The following FABP6 variants were observed in gnomAD, a reference collection of about 807,000 sequenced individuals.
FABP6 encodes fatty acid binding protein 6.
Under a neutral mutation model 14.9 loss-of-function variants are expected in FABP6, and 13 were observed. That is an observed-to-expected ratio of 0.87 (90% CI 0.57 to 1.39). FABP6 has a LOEUF of 1.39. Ranked by LOEUF, FABP6 falls within the 40% of genes most tolerant of loss-of-function variation. The probability of loss-of-function intolerance (pLI) is 0.00; values close to 1 mark genes in which losing one functional copy is unlikely to be tolerated. For synonymous variants in FABP6, 75 were observed against 63.6 expected, an observed-to-expected ratio of 1.18 and a Z score of -0.85; for missense variants, 161 against 167.2, an observed-to-expected ratio of 0.96 and a Z score of 0.20.
chr5:160,236,647 T>C (rs1760522903), intron 3 of FABP6, among the ~76,000 whole-genome samples: 1 of 152,084 alleles, frequency 6.6e-6, no homozygotes, highest in Non-Finnish European at 1.5e-5. Flanking sequence ...CCACGGGTCT[T>C]TTTATCCCCC....
chr5:160,214,325 G>T (rs920584533), intron 3 of FABP6, among the ~76,000 whole-genome samples: 6 of 151,030 alleles, frequency 4.0e-5, no homozygotes, highest in African/African-American at 1.5e-4. Context: ...CACCATGCCT[G>T]GTTAATTTTT....
At chr5:160,221,933 T>C (rs1176267427) in intron 3 of FABP6, among the ~76,000 whole-genome samples, 2 of 152,210 alleles carry the variant, frequency 1.3e-5, no homozygotes, top group Non-Finnish European at 2.9e-5. Flanking sequence ...GAAAATGAGA[T>C]GTAGTGGGAT....
chr5:160,200,666 G>A (rs1456812476), intron 2 of FABP6, among the ~76,000 whole-genome samples: 6 of 152,108 alleles, frequency 3.9e-5, no homozygotes, highest in Non-Finnish European at 5.9e-5. Flanking sequence ...CACCCGCCTT[G>A]GCCTCCCAAA....
chr5:160,206,743 A>C (rs535586074), intron 2 of FABP6, among the ~76,000 whole-genome samples: 23 of 152,316 alleles, frequency 1.5e-4, no homozygotes, highest in African/African-American at 5.3e-4. Flanking sequence ...ATGAGCACCC[A>C]GGACTGAAGA....
intron 1 of FABP6, among the ~76,000 whole-genome samples, chr5:160,188,689 G>A (rs930758759): frequency 3.9e-5 from 6 of 152,228 alleles, no homozygotes; most frequent in Non-Finnish European, 7.3e-5. Flanking sequence ...GCCGGGACCG[G>A]GCTGTTAGCC....
chr5:160,232,251 C>T lies in FABP6; in HGVS notation c.221C>T (p.Thr74Ile), dbSNP rs1399719899. The T allele has an allele frequency of 6.8e-6, 11 of 1,610,064 alleles. No homozygotes were observed. Among genetic ancestry groups the T allele is most frequent in the Non-Finnish European group, 2.5e-6 (3 of 1,178,198 alleles). Residue 74 changes from threonine (T) to isoleucine (I), a missense_variant, in exon 2 of 4, where the codon ACA becomes ATA. Thr to Ile is a moderately conservative substitution (Grantham distance 89). Transcript: ENST00000402432. ...FTVGKESNIQTMGGKTFKATV... is the reference protein window; with the variant it reads ...FTVGKESNIQIMGGKTFKATV... ...GTTGGCAAGGAAAGCAACATACAGACAATGGGGGGCAAGACGTTCAAGGTG... is the reference window on the plus strand; with the variant it reads ...GTTGGCAAGGAAAGCAACATACAGATAATGGGGGGCAAGACGTTCAAGGTG...
In FABP6 at chr5:160,232,177, T is replaced by G. The variant is rs780780718; in HGVS notation, c.147T>G (p.Thr49=). The G allele has an allele frequency of 4.1e-5, 66 of 1,613,734 alleles. No individual in the cohort carries two copies. In the South Asian group the frequency reaches 6.2e-4, roughly 15 times the overall value. The change falls in exon 2 of 4, where the codon ACT becomes ACG. Residue 49 remains threonine (T), a synonymous_variant. Coordinates refer to ENST00000402432, the MANE Select transcript of FABP6 (RefSeq NM_001445.3). Reference sequence around the variant, plus strand: ...TGCAGCAGGATGGGCAGGACTTCACTTGGTCCCAGCACTACTCCGGGGGCC... The same window carrying G: ...TGCAGCAGGATGGGCAGGACTTCACGTGGTCCCAGCACTACTCCGGGGGCC... ...TEVQQDGQDF[T]WSQHYSGGHT...
upstream of FABP6, among the ~76,000 whole-genome samples, chr5:160,227,162 G>A (rs1760266218): frequency 6.6e-6 from 1 of 152,176 alleles, no homozygotes; most frequent in Non-Finnish European, 1.5e-5. Context: ...ATATAGACAT[G>A]TGCCCATATC....
intron 3 of FABP6, among the ~76,000 whole-genome samples, chr5:160,237,072 G>A (rs1166141656): frequency 6.6e-6 from 1 of 152,098 alleles, no homozygotes. Context: ...TCTTCTCCTG[G>A]GTGAAAACTG....
chr5:160,194,627 A>G (rs1013129298), intron 1 of FABP6, among the ~76,000 whole-genome samples: 2 of 152,090 alleles, frequency 1.3e-5, no homozygotes, highest in African/African-American at 4.8e-5. Context: ...CACCAGGGAC[A>G]CCCTCTGCGT....
At chr5:160,195,110 C>A (rs1310189796) in intron 1 of FABP6, among the ~76,000 whole-genome samples, 1 of 151,912 alleles carries the variant, frequency 6.6e-6, no homozygotes. Flanking sequence ...CATGGTGAAA[C>A]CCCGACTCTA....
chr5:160,195,588 G>A (rs1759493292), intron 1 of FABP6, among the ~76,000 whole-genome samples: 1 of 152,160 alleles, frequency 6.6e-6, no homozygotes, highest in Admixed American at 6.5e-5. Flanking sequence ...CCAAGGAGCT[G>A]AGACTACAGT....
chr5:160,193,934 C>T (rs1200370050), intron 1 of FABP6, among the ~76,000 whole-genome samples: 1 of 152,228 alleles, frequency 6.6e-6, no homozygotes, highest in African/African-American at 2.4e-5. Flanking sequence ...GACTGGGCGC[C>T]GTGGGGCAGG....
At chr5:160,226,594 T>C (rs543815692), upstream of FABP6, among the ~76,000 whole-genome samples, 109 of 151,792 alleles carry the variant, frequency 7.2e-4, no homozygotes, top group Non-Finnish European at 1.2e-3. Flanking sequence ...TGGCAAGGTA[T>C]ACTTTGTCAA....
intron 1 of FABP6, among the ~76,000 whole-genome samples, chr5:160,188,029 G>C (rs892750915): frequency 1.7e-4 from 25 of 150,492 alleles, no homozygotes; most frequent in Admixed American, 3.4e-4. Flanking sequence ...TGAGATTACA[G>C]ACGTGAGCCA....
At chr5:160,212,626 G>T (rs1350119115) in intron 2 of FABP6, among the ~76,000 whole-genome samples, 1 of 151,532 alleles carries the variant, frequency 6.6e-6, no homozygotes, top group Non-Finnish European at 1.5e-5. Flanking sequence ...CCACCACCAC[G>T]CCTGGCTAAT....
At chr5:160,198,945 C>A in intron 1 of FABP6, 1 of 700,534 alleles carries the variant, frequency 1.4e-6, no homozygotes, top group Non-Finnish European at 2.4e-6. Context: ...ATGTGTCTGG[C>A]ACACAGTGAG....
At chr5:160,231,423 C>A (rs542039467) in intron 1 of FABP6, among the ~76,000 whole-genome samples, 1 of 152,238 alleles carries the variant, frequency 6.6e-6, no homozygotes, top group South Asian at 2.1e-4. Flanking sequence ...GGACGGAGTC[C>A]TGCTCTGTAG....
chr5:160,213,106 G>A (rs563912145), intron 2 of FABP6, among the ~76,000 whole-genome samples: 7 of 152,254 alleles, frequency 4.6e-5, no homozygotes, highest in South Asian at 2.1e-4. Flanking sequence ...TGGCCCTCAC[G>A]GTCGAGATGG....
Sources: allele counts gnomAD v4.1 joint callset (sites outside exome capture counted in the v4.1 genomes callset), GRCh38; gene constraint gnomAD v4.1.1; transcripts MANE v1.5; gene names NCBI Gene and HGNC (gene_info 2026-07-23, HGNC 2026-07-21).